The following ST7L variants were observed in gnomAD, a reference collection of about 807,000 sequenced individuals.
The protein encoded by ST7L is suppression of tumorigenicity 7 like.
Under a neutral mutation model 72.5 loss-of-function variants are expected in ST7L, and 57 were observed. The ratio of observed to expected loss-of-function variants is 0.79; its 90% confidence interval spans 0.64 to 0.98. The LOEUF (loss-of-function observed/expected upper bound fraction) is 0.98. Ranked by LOEUF, ST7L falls within the 50% of genes least tolerant of loss-of-function variation. The probability of loss-of-function intolerance (pLI) is 0.00; values close to 1 mark genes in which losing one functional copy is unlikely to be tolerated. For synonymous variants in ST7L, 221 were observed against 240.9 expected (o/e 0.92, Z 0.77); for missense variants, 576 against 672.2 (o/e 0.86, Z 1.58).
At chr1:112,556,969 AAAAAAAAAAAAAAAAC>A (rs1192426937) in intron 11 of ST7L, among the ~76,000 whole-genome samples, 7 of 90,164 alleles carry the variant, frequency 7.8e-5, no homozygotes, top group African/African-American at 1.7e-4. Context: ...TCTGTCTCAA[AAAAAAAAAAAAAAAAC>A]AAAAAAAAAA....
intron 1 of ST7L, among the ~76,000 whole-genome samples, chr1:112,617,763 T>C (rs1670142140): frequency 7.0e-6 from 1 of 142,534 alleles, no homozygotes; most frequent in Non-Finnish European, 1.6e-5. Flanking sequence ...ACACGAAACG[T>C]AAAAAAGAAA....
Position 112,569,353 on chromosome 1 carries a change from G to T in ST7L, c.1245+7633C>A, listed in dbSNP as rs138000257. On this transcript the variant is annotated intron_variant, in intron 11 of 14. Transcript: ENST00000358039. ...CAGTTGAATGTATAAACAAAATGTG[G>T]TACAATGGAATAGTATTCAGCCATA... 9.3e-4 allele frequency among the ~76,000 whole-genome samples: 141 copies of T among 152,212 alleles called. 3 individuals carry two copies. The East Asian group carries it at 0.023, about 25-fold the overall frequency.
At position 112,617,040 on chromosome 1, in the gene ST7L, A is replaced by G. The variant is rs989465257; in HGVS notation, c.206-145T>C. The G allele has an allele frequency of 7.5e-6, 4 of 535,538 alleles. No homozygotes were observed. The Admixed American group carries it at 1.5e-4, about 20-fold the overall frequency. 33.2% of individuals were successfully genotyped at this position (535,538 alleles called of 1,614,324 possible). A position where few individuals can be genotyped will look rare whatever the true frequency, so the allele number is the denominator to read the frequency against. On this transcript the variant is annotated intron_variant, in intron 1 of 14. Coordinates refer to ENST00000358039, the MANE Select transcript of ST7L (RefSeq NM_017744.5). Reference sequence around the variant, plus strand: ...TTCACTTGAAAAAGTTTTAATTTGTATATATATTATACATAATGGCTTATC... The same window carrying G: ...TTCACTTGAAAAAGTTTTAATTTGTGTATATATTATACATAATGGCTTATC...
intron 11 of ST7L, among the ~76,000 whole-genome samples, chr1:112,573,534 T>C (rs1662524277): frequency 6.6e-6 from 1 of 152,062 alleles, no homozygotes; most frequent in Admixed American, 6.6e-5. Flanking sequence ...ATTTCAATAG[T>C]TATGATATGC....
intron 11 of ST7L, chr1:112,570,731 C>T: frequency 4.4e-6 from 2 of 455,796 alleles, no homozygotes; most frequent in Non-Finnish European, 8.8e-6. Flanking sequence ...AAAAGAGGGT[C>T]TGTACATACT....
At chr1:112,560,962 T>A (rs1331010611) in intron 11 of ST7L, among the ~76,000 whole-genome samples, 1 of 145,670 alleles carries the variant, frequency 6.9e-6, no homozygotes, top group Non-Finnish European at 1.5e-5. Context: ...AAACTACATC[T>A]TAAAGAAAAA....
intron 11 of ST7L, among the ~76,000 whole-genome samples, chr1:112,567,540 A>G (rs1467677147): frequency 6.6e-6 from 1 of 151,510 alleles, no homozygotes; most frequent in Non-Finnish European, 1.5e-5. Context: ...CAGCTTTCAA[A>G]GATAGTCTTA....
chr1:112,609,755 G>C (rs560284619), intron 3 of ST7L, among the ~76,000 whole-genome samples: 19 of 152,240 alleles, frequency 1.2e-4, no homozygotes, highest in Admixed American at 1.2e-3. Context: ...CTTGGAAGGA[G>C]AGGTTGCAGT....
intron 11 of ST7L, among the ~76,000 whole-genome samples, chr1:112,562,324 G>A (rs1660296752): frequency 6.6e-6 from 1 of 152,012 alleles, no homozygotes; most frequent in South Asian, 2.1e-4. Context: ...CTACAGATAT[G>A]TCTGTTTCCC....
At chr1:112,520,687 G>A (rs1029766554), downstream of ST7L, 2 of 657,596 alleles carry the variant, frequency 3.0e-6, no homozygotes, top group Non-Finnish European at 5.2e-6. Context: ...CCCTGGGAAG[G>A]AGTTGTCAGG....
At chr1:112,573,392 A>G (rs904144574) in intron 11 of ST7L, among the ~76,000 whole-genome samples, 1 of 151,700 alleles carries the variant, frequency 6.6e-6, no homozygotes, top group Non-Finnish European at 1.5e-5. Flanking sequence ...TGAGTATTAC[A>G]ACTAATGCTG....
At chr1:112,552,767 T>C (rs534258511) in intron 12 of ST7L, among the ~76,000 whole-genome samples, 3 of 152,202 alleles carry the variant, frequency 2.0e-5, no homozygotes, top group African/African-American at 7.2e-5. Flanking sequence ...AAATTAGTGA[T>C]AACACTAATA....
At chr1:112,619,551 A>C (rs1243481101), upstream of ST7L, 2 of 530,992 alleles carry the variant, frequency 3.8e-6, no homozygotes, top group African/African-American at 3.9e-5. Flanking sequence ...TGGAGGCCAG[A>C]AGCCAAGAAT....
In ST7L at chr1:112,600,699, G is replaced by T; in HGVS notation, c.506+95C>A. ...TATCATAGACCAGTATCTTCTACTAGAAGAGCTGCGATATATTTATAAAGA... is the reference window on the plus strand; with the variant it reads ...TATCATAGACCAGTATCTTCTACTATAAGAGCTGCGATATATTTATAAAGA... On this transcript the variant is annotated intron_variant, in intron 4 of 14. Transcript: ENST00000358039. 4.8e-6 allele frequency: 5 copies of T among 1,050,146 alleles called. No individual in the cohort carries two copies. In the South Asian group the frequency reaches 7.1e-5, roughly 15 times the overall value. The allele number at this position is 1,050,146 out of a possible 1,614,324, so 65.1% of individuals were successfully genotyped here.
rs754583730 is a variant in ST7L, at chr1:112,555,870, C to A, written c.1394G>T (p.Gly465Val). Reference sequence around the variant, plus strand: ...TACTTTTGGAAAAGAATACTTACTGCCTTCCCATGTACACTGTAACAGATT... The same window carrying A: ...TACTTTTGGAAAAGAATACTTACTGACTTCCCATGTACACTGTAACAGATT... The part of the protein sequence containing the change: ...ALNLLQCTWE[G>V]TFRMIPYPLE... Residue 465 changes from glycine (G) to valine (V), a missense_variant and splice_region_variant, in exon 12 of 15, where the codon GGC becomes GTC. Gly to Val is a moderately radical substitution (Grantham distance 109). Around this residue, in one of 3 missense-constraint regions of ST7L, gnomAD observed 511 missense variants for 600.7 expected, o/e 0.85. Transcript: ENST00000358039. 2.2e-5 allele frequency: 34 copies of A among 1,519,226 alleles called. No homozygotes were observed. The highest frequency in any genetic ancestry group is 2.7e-5 in the Non-Finnish European group (31 of 1,130,142). The allele number at this position is 1,519,226 out of a possible 1,614,324, so 94.1% of individuals were successfully genotyped here. A position where few individuals can be genotyped will look rare whatever the true frequency, so the allele number is the denominator to read the frequency against.
chr1:112,569,340 T>C (rs1042283130), intron 11 of ST7L, among the ~76,000 whole-genome samples: 5 of 152,192 alleles, frequency 3.3e-5, no homozygotes, highest in African/African-American at 1.2e-4. Flanking sequence ...GTTGAATGTA[T>C]AAACAAAATG....
At chr1:112,618,883 T>G (rs1255888307) in intron 1 of ST7L, 26 bp downstream of exon 1, 1 of 1,547,242 alleles carries the variant, frequency 6.5e-7, no homozygotes. Flanking sequence ...CCCCCCGCCC[T>G]GCCCCAGGAG....
chr1:112,586,496 C>T (rs1002565910), intron 6 of ST7L, among the ~76,000 whole-genome samples: 6 of 151,922 alleles, frequency 3.9e-5, no homozygotes, highest in African/African-American at 1.5e-4. Context: ...TTCCAAAAAC[C>T]GACTGAAATA....
intron 11 of ST7L, among the ~76,000 whole-genome samples, chr1:112,559,128 G>A (rs1341456726): frequency 6.6e-6 from 1 of 152,114 alleles, no homozygotes; most frequent in Non-Finnish European, 1.5e-5. Context: ...ACCCCAACAT[G>A]TTAAGTATTT....
Sources: allele counts gnomAD v4.1 joint callset (sites outside exome capture counted in the v4.1 genomes callset), GRCh38; gene constraint gnomAD v4.1.1; regional missense constraint gnomAD v4.1.1; transcripts MANE v1.5; gene names NCBI Gene and HGNC (gene_info 2026-07-23, HGNC 2026-07-21).